The following RAPGEF5 variants were observed in gnomAD, a reference collection of about 807,000 sequenced individuals.
RAPGEF5 encodes the protein M-Ras-regulated GEF.
A neutral mutation model predicts 125.2 loss-of-function variants in RAPGEF5; 65 were observed. That is an observed-to-expected ratio of 0.52 (90% CI 0.43 to 0.64). The LOEUF is 0.64. Among genes scored for constraint, RAPGEF5 ranks in the 30% least tolerant of loss-of-function variants. The pLI is 0.00. For synonymous variants in RAPGEF5, 391 were observed against 385.9 expected (o/e 1.01, Z -0.16); for missense variants, 958 against 1,048.1 (o/e 0.91, Z 1.19).
At chr7:22,332,841 C>T (rs1013403401) in intron 1 of RAPGEF5, among the ~76,000 whole-genome samples, 8 of 152,310 alleles carry the variant, frequency 5.3e-5, no homozygotes, top group East Asian at 1.9e-4. Flanking sequence ...CACCCTTCTA[C>T]GCCTGAGGGA....
At chr7:22,221,968 C>T (rs549119532) in intron 8 of RAPGEF5, among the ~76,000 whole-genome samples, 5 of 152,038 alleles carry the variant, frequency 3.3e-5, no homozygotes, top group African/African-American at 9.7e-5. Flanking sequence ...AAGTTCTGGC[C>T]GGGTGCAGTG....
intron 1 of RAPGEF5, among the ~76,000 whole-genome samples, chr7:22,347,900 G>A (rs1319426866): frequency 6.6e-6 from 1 of 152,080 alleles, no homozygotes; most frequent in Admixed American, 6.5e-5. Context: ...ACCTACCAGG[G>A]CTTACCGAAG....
intron 20 of RAPGEF5, 135 bp from the exon 21 acceptor site, chr7:22,140,250 C>A: frequency 2.8e-6 from 2 of 720,866 alleles, no homozygotes; most frequent in South Asian, 1.8e-5. Flanking sequence ...GTACCCCTTA[C>A]TGCCCTTCAG....
chr7:22,131,050 T>C lies in RAPGEF5; in HGVS notation c.2468A>G (p.Asn823Ser). Residue 823 changes from asparagine to serine, a missense_variant, in exon 24 of 26, where the codon AAT (asparagine) becomes AGT (serine). By Grantham distance (46) the Asn-to-Ser change is conservative (BLOSUM62 1). Transcript: ENST00000665637. ...AAATTTACGTACCAGCTTTTCAAAA[T>C]TGACAAGATTATCCAAAAAAGTTTT... ...GNKTFLDNLV[N>S]FEKLHMIADT... 7 of 1,540,026 alleles carry C rather than the reference T, an allele frequency of 4.5e-6. No homozygotes were observed. The highest frequency in any genetic ancestry group is 6.1e-6 in the Non-Finnish European group (7 of 1,142,040).
intron 6 of RAPGEF5, among the ~76,000 whole-genome samples, chr7:22,278,516 A>C (rs1245498967): frequency 6.6e-6 from 1 of 151,978 alleles, no homozygotes; most frequent in African/African-American, 2.4e-5. Flanking sequence ...GATGAGGAAA[A>C]ATCATCCCCA....
At chr7:22,148,011 C>T (rs1295435412) in intron 18 of RAPGEF5, among the ~76,000 whole-genome samples, 1 of 152,158 alleles carries the variant, frequency 6.6e-6, no homozygotes, top group Non-Finnish European at 1.5e-5. Flanking sequence ...ACAGAGCTTT[C>T]CCACAGACTC....
intron 9 of RAPGEF5, among the ~76,000 whole-genome samples, chr7:22,203,912 G>C (rs529977332): frequency 6.6e-6 from 1 of 152,244 alleles, no homozygotes; most frequent in East Asian, 1.9e-4. Context: ...AGATCCTTAA[G>C]CATTTCCTGA....
intron 6 of RAPGEF5, among the ~76,000 whole-genome samples, chr7:22,285,407 G>A (rs1782773980): frequency 6.6e-6 from 1 of 152,094 alleles, no homozygotes; most frequent in African/African-American, 2.4e-5. Context: ...TCTTAAACAA[G>A]TCTCTAAACC....
intron 9 of RAPGEF5, among the ~76,000 whole-genome samples, chr7:22,210,797 A>AT (rs537513192): frequency 7.9e-5 from 12 of 151,184 alleles, no homozygotes; most frequent in South Asian, 2.1e-4. Context: ...TTATTTCTCC[A>AT]TTTTTTTTTA....
At chr7:22,278,431 CT>C (rs1352550868) in intron 6 of RAPGEF5, among the ~76,000 whole-genome samples, 2 of 151,948 alleles carry the variant, frequency 1.3e-5, no homozygotes, top group African/African-American at 4.8e-5. Flanking sequence ...AACAAAATCA[CT>C]TTTTTGTGGT....
rs116028920 is a variant in RAPGEF5 at position 22,246,988 on chromosome 7, C to T, written c.797-16069G>A. On this transcript the variant is annotated intron_variant, in intron 7 of 25. Coordinates refer to ENST00000665637, the MANE Select transcript of RAPGEF5 (RefSeq NM_012294.5). Reference sequence around the variant, plus strand: ...AAACATATGAAGAAATGCTCAACATCACTAATCATCCAAGAAATGTAAATC... The same window carrying T: ...AAACATATGAAGAAATGCTCAACATTACTAATCATCCAAGAAATGTAAATC... 4.9e-3 allele frequency among the ~76,000 whole-genome samples: 750 copies of T among 152,308 alleles called. 6 individuals carry two copies. Among genetic ancestry groups the T allele is most frequent in the African/African-American group, 0.017 (723 of 41,562 alleles).
In RAPGEF5 at chr7:22,266,951, A is replaced by G. The variant is rs752996841; in HGVS notation, c.796+13T>C. The G allele has an allele frequency of 1.9e-6, 3 of 1,601,248 alleles. No homozygotes were observed. The highest frequency in any genetic ancestry group is 1.7e-5 in the Admixed American group (1 of 59,960). Reference sequence around the variant, plus strand: ...ATTAGAATCTTCCTCCAGCCCCATAAAAGATGACTTACCAGACTTCCTTGC... The same window carrying G: ...ATTAGAATCTTCCTCCAGCCCCATAGAAGATGACTTACCAGACTTCCTTGC... On this transcript the variant is annotated intron_variant, in intron 7 of 25. Coordinates refer to ENST00000665637, the MANE Select transcript of RAPGEF5 (RefSeq NM_012294.5).
At chr7:22,269,876 T>C (rs568932558) in intron 6 of RAPGEF5, among the ~76,000 whole-genome samples, 18 of 152,274 alleles carry the variant, frequency 1.2e-4, no homozygotes, top group Non-Finnish European at 2.5e-4. Context: ...GCTAAGGTGC[T>C]TCCCAACTCC....
intron 6 of RAPGEF5, among the ~76,000 whole-genome samples, chr7:22,272,871 C>T (rs1358062357): frequency 6.6e-6 from 1 of 152,154 alleles, no homozygotes; most frequent in Non-Finnish European, 1.5e-5. Context: ...ATCCTCCCAC[C>T]TCAGTCTCCT....
intron 7 of RAPGEF5, among the ~76,000 whole-genome samples, chr7:22,263,694 C>T (rs1782213913): frequency 6.6e-6 from 1 of 150,706 alleles, no homozygotes; most frequent in Admixed American, 6.6e-5. Flanking sequence ...TGCGCCACTG[C>T]ACTCCATTCT....
intron 18 of RAPGEF5, among the ~76,000 whole-genome samples, chr7:22,149,466 A>G (rs1411868653): frequency 3.3e-5 from 5 of 152,206 alleles, no homozygotes; most frequent in African/African-American, 1.2e-4. Flanking sequence ...TAGATGACAG[A>G]TCTGAAGTCT....
At chr7:22,160,325 G>C (rs745522557) in intron 14 of RAPGEF5, among the ~76,000 whole-genome samples, 193 bp downstream of exon 14, 41 of 152,126 alleles carry the variant, frequency 2.7e-4, no homozygotes, top group Admixed American at 1.7e-3. Flanking sequence ...TAGTCAATAA[G>C]CTGAATTCCG....
chr7:22,308,646 C>T, intron 4 of RAPGEF5, 139 bp from the exon 5 acceptor site: 1 of 689,222 alleles, frequency 1.5e-6, no homozygotes. Flanking sequence ...TAAGCTCATT[C>T]ATGTTTATAA....
intron 7 of RAPGEF5, among the ~76,000 whole-genome samples, chr7:22,265,766 C>A (rs1419667299): frequency 6.6e-6 from 1 of 152,140 alleles, no homozygotes; most frequent in Non-Finnish European, 1.5e-5. Context: ...TTGATAACAG[C>A]CATTCTAGCT....
Sources: gnomAD v4.1 joint callset for allele counts (sites outside exome capture counted in the v4.1 genomes callset) on GRCh38, gnomAD v4.1.1 for gene constraint, MANE v1.5 for transcripts, NCBI Gene and HGNC (gene_info 2026-07-23, HGNC 2026-07-21) for gene names.